Variants in DPP10 observed in about 807,000 individuals in gnomAD.
DPP10 encodes the protein inactive dipeptidyl peptidase 10.
In DPP10, 33 loss-of-function variants were observed where a neutral mutation model predicts 120.9. That is an observed-to-expected ratio of 0.27 (90% CI 0.21 to 0.37). The LOEUF (loss-of-function observed/expected upper bound fraction) is 0.37, where lower values mean the gene tolerates loss of function less well. Ranked by LOEUF, DPP10 falls within the 10% of genes least tolerant of loss-of-function variation. The pLI is 1.00. For synonymous variants in DPP10, 337 were observed against 326.1 expected (o/e 1.03, Z -0.36); for missense variants, 816 against 942.8 (o/e 0.87, Z 1.76).
At chr2:115,209,590 A>G (rs1329193569) in intron 1 of DPP10, among the ~76,000 whole-genome samples, 3 of 152,052 alleles carry the variant, frequency 2.0e-5, no homozygotes, top group Non-Finnish European at 4.4e-5. Flanking sequence ...TGTTTATTCT[A>G]ACTTTCTTGT....
chr2:114,815,250 C>A (rs1038806586), intron 1 of DPP10, among the ~76,000 whole-genome samples: 3 of 152,132 alleles, frequency 2.0e-5, no homozygotes, highest in Non-Finnish European at 4.4e-5. Context: ...GGTACCTGAT[C>A]TGAAATTATT....
intron 16 of DPP10, 151 bp from the exon 17 acceptor site, chr2:115,782,201 A>G: frequency 3.3e-6 from 2 of 599,716 alleles, no homozygotes; most frequent in Non-Finnish European, 3.0e-6. Flanking sequence ...GCTTATAAAT[A>G]GGAATGAAAG....
chr2:115,001,225 A>G (rs1328350639), intron 1 of DPP10, among the ~76,000 whole-genome samples: 1 of 152,228 alleles, frequency 6.6e-6, no homozygotes, highest in East Asian at 1.9e-4. Flanking sequence ...TTAGATTTTG[A>G]CACCTTGATT....
At chr2:114,534,265 G>T (rs781163619) in intron 1 of DPP10, among the ~76,000 whole-genome samples, 2 of 151,968 alleles carry the variant, frequency 1.3e-5, no homozygotes, top group African/African-American at 2.4e-5. Flanking sequence ...TTTTGGCATG[G>T]TCTCTATTTT....
intron 1 of DPP10, among the ~76,000 whole-genome samples, chr2:115,054,763 T>C (rs6752600): frequency 0.97 from 147,247 of 152,122 alleles, 71,466 homozygotes; most frequent in Middle Eastern, 1. Flanking sequence ...ATACAAAAAT[T>C]AGCCAGGCGT....
chr2:115,166,529 A>ATATATAAATTTATAATATAAATATATAT lies in DPP10; in HGVS notation c.61-142685_61-142658dup, dbSNP rs1185642019. On this transcript the variant is annotated intron_variant, in intron 1 of 25. Transcript: ENST00000410059. ...TTATATAAATTTATAATATAAATAT[A>ATATATAAATTTATAATATAAATATATAT]TATATAAATTTATAATATAAATATA... 5.6e-3 allele frequency among the ~76,000 whole-genome samples: 650 copies of ATATATAAATTTATAATATAAATATATAT among 115,132 alleles called. 51 individuals are homozygous for ATATATAAATTTATAATATAAATATATAT. Among genetic ancestry groups the ATATATAAATTTATAATATAAATATATAT allele is most frequent in the African/African-American group, 0.012 (352 of 30,360 alleles). The allele number at this position is 115,132 out of a possible 152,430, so 75.5% of individuals were successfully genotyped here. A position where few individuals can be genotyped will look rare whatever the true frequency, so the allele number is the denominator to read the frequency against.
intron 1 of DPP10, among the ~76,000 whole-genome samples, chr2:115,118,506 A>T (rs1172242857): frequency 6.6e-6 from 1 of 152,164 alleles, no homozygotes; most frequent in East Asian, 1.9e-4. Flanking sequence ...TGGAGGAAAA[A>T]ATTTGGCTGA....
intron 5 of DPP10, among the ~76,000 whole-genome samples, chr2:115,587,089 CTT>C (rs756810925): frequency 9.6e-6 from 1 of 103,912 alleles, no homozygotes; most frequent in Non-Finnish European, 1.9e-5. Context: ...TTTTCTCTTT[CTT>C]TTTTTTTTTT....
chr2:114,717,693 CCCAGTACCTCCCCA>C (rs1701443851), intron 1 of DPP10, among the ~76,000 whole-genome samples: 1 of 152,062 alleles, frequency 6.6e-6, no homozygotes, highest in African/African-American at 2.4e-5. Context: ...TAAAGAAACA[CCCAGTACCTCCCCA>C]CCAGTACCTC....
intron 5 of DPP10, among the ~76,000 whole-genome samples, chr2:115,639,639 C>G (rs1357732652): frequency 6.7e-6 from 1 of 148,180 alleles, no homozygotes; most frequent in South Asian, 2.1e-4. Flanking sequence ...TTTTTTTTTT[C>G]TTTGTTATCC....
At chr2:115,080,014 A>G (rs1708137998) in intron 1 of DPP10, among the ~76,000 whole-genome samples, 1 of 152,138 alleles carries the variant, frequency 6.6e-6, no homozygotes, top group African/African-American at 2.4e-5. Context: ...TATGGCTAAC[A>G]GCCTTGTATA....
intron 3 of DPP10, among the ~76,000 whole-genome samples, chr2:115,401,273 G>C (rs75716987): frequency 0.045 from 6,820 of 152,190 alleles, 224 homozygotes; most frequent in Middle Eastern, 0.088. Flanking sequence ...CCAAATAACT[G>C]GGTGATCACT....
At chr2:115,415,292 T>C (rs948794196) in intron 3 of DPP10, among the ~76,000 whole-genome samples, 4 of 152,176 alleles carry the variant, frequency 2.6e-5, no homozygotes, top group African/African-American at 9.6e-5. Context: ...CCTGCCTATA[T>C]GATCAGTTCA....
intron 1 of DPP10, among the ~76,000 whole-genome samples, chr2:115,210,069 G>T (rs1418275824): frequency 6.6e-6 from 1 of 151,818 alleles, no homozygotes; most frequent in Non-Finnish European, 1.5e-5. Context: ...TGTACACAAC[G>T]TACAGGTTTG....
intron 1 of DPP10, among the ~76,000 whole-genome samples, chr2:114,519,963 A>G (rs1291211468): frequency 1.4e-5 from 2 of 144,664 alleles, no homozygotes; most frequent in Non-Finnish European, 3.1e-5. Context: ...ACACCTTTAA[A>G]TCTTCCCAGT....
chr2:114,675,301 T>A (rs1183297283), intron 1 of DPP10, among the ~76,000 whole-genome samples: 1 of 152,112 alleles, frequency 6.6e-6, no homozygotes, highest in Non-Finnish European at 1.5e-5. Context: ...GTCTTAAAGA[T>A]CTGATTTTTT....
chr2:115,098,828 C>A (rs1014340883), intron 1 of DPP10, among the ~76,000 whole-genome samples: 4 of 152,118 alleles, frequency 2.6e-5, no homozygotes, highest in Non-Finnish European at 4.4e-5. Context: ...CTAGATTCAC[C>A]TTTAACTAGT....
intron 1 of DPP10, among the ~76,000 whole-genome samples, chr2:114,898,073 C>T (rs1225460652): frequency 1.3e-5 from 2 of 152,124 alleles, no homozygotes; most frequent in Admixed American, 6.5e-5. Context: ...GCACTATTCA[C>T]AATAGCAAAG....
At chr2:115,753,594 T>A (rs1231053330) in intron 11 of DPP10, among the ~76,000 whole-genome samples, 1 of 152,132 alleles carries the variant, frequency 6.6e-6, no homozygotes, top group Non-Finnish European at 1.5e-5. Flanking sequence ...AGATATGGAA[T>A]TTTTCTCCAT....
Sources: gnomAD v4.1 joint callset for allele counts (sites outside exome capture counted in the v4.1 genomes callset) on GRCh38, gnomAD v4.1.1 for gene constraint, MANE v1.5 for transcripts, NCBI Gene and HGNC (gene_info 2026-07-23, HGNC 2026-07-21) for gene names.